The following COBLL1 variants were observed in gnomAD, a reference collection of about 807,000 sequenced individuals.
COBLL1 encodes cordon-bleu WH2 repeat protein like 1, also known as cordon-bleu protein-like 1.
In COBLL1, 50 loss-of-function variants were observed where a neutral mutation model predicts 94.8. The observed-to-expected ratio is 0.53, with a 90% confidence interval of 0.42 to 0.67. The LOEUF is 0.67. COBLL1 is among the 30% of genes least tolerant of loss of function. COBLL1 has a pLI of 0.00. For missense variants in COBLL1, 1,362 were observed against 1,348.7 expected, an observed-to-expected ratio of 1.01 and a Z score of -0.15; for synonymous variants, 448 against 473.8, an observed-to-expected ratio of 0.95 and a Z score of 0.71.
In COBLL1 at chr2:164,814,369, C is replaced by A. The variant is rs570708843; in HGVS notation, c.41+26787G>T. Among the ~76,000 whole-genome samples the A allele has an allele frequency of 3.3e-3, 500 of 152,062 alleles. 2 individuals carry two copies. The highest frequency in any genetic ancestry group is 5.2e-3 in the Non-Finnish European group (354 of 67,944). The stretch of plus-strand genomic sequence containing the variant: ...TGATTTTTGTATTATTACTTTTATT[C>A]TTATATATAAAATTAAAGAGTCTTT... On this transcript the variant is annotated intron_variant, in intron 2 of 13. Coordinates refer to ENST00000652658, the MANE Select transcript of COBLL1 (RefSeq NM_001365672.2).
chr2:164,729,341 A>G (rs909186269), intron 4 of COBLL1, among the ~76,000 whole-genome samples: 1 of 151,892 alleles, frequency 6.6e-6, no homozygotes, highest in Middle Eastern at 3.4e-3. Context: ...ATTCTACCCT[A>G]TTGCTTATAG....
downstream of COBLL1, among the ~76,000 whole-genome samples, chr2:164,676,617 A>G (rs1477654509): frequency 1.3e-5 from 2 of 152,092 alleles, no homozygotes; most frequent in African/African-American, 4.8e-5. Context: ...CTCATATTTC[A>G]GTCCTCTCTC....
At chr2:164,757,336 T>C (rs1404809954) in intron 2 of COBLL1, among the ~76,000 whole-genome samples, 1 of 152,216 alleles carries the variant, frequency 6.6e-6, no homozygotes, top group Non-Finnish European at 1.5e-5. Flanking sequence ...TTCAATCACA[T>C]TTATTCACTC....
intron 2 of COBLL1, among the ~76,000 whole-genome samples, chr2:164,659,493 G>C (rs1329921379): frequency 6.6e-6 from 1 of 152,190 alleles, no homozygotes; most frequent in Non-Finnish European, 1.5e-5. Context: ...TCAAGTAACA[G>C]AGCCTGATGT....
intron 3 of COBLL1, among the ~76,000 whole-genome samples, chr2:164,737,776 T>C (rs1001266965): frequency 6.6e-6 from 1 of 152,158 alleles, no homozygotes; most frequent in Non-Finnish European, 1.5e-5. Flanking sequence ...TTTCATAGTC[T>C]ACTTTTTCCC....
chr2:164,687,045 G>A (rs1462742243), intron 13 of COBLL1, among the ~76,000 whole-genome samples: 1 of 152,150 alleles, frequency 6.6e-6, no homozygotes, highest in East Asian at 1.9e-4. Context: ...TTTCTCGATT[G>A]TCTGATGAAT....
At position 164,695,630 on chromosome 2, in the gene COBLL1, C is replaced by T. The variant is rs748647602; in HGVS notation, c.1762G>A (p.Asp588Asn). The T allele has an allele frequency of 1.9e-5, 31 of 1,613,752 alleles. 1 individual carries two copies. In the Middle Eastern group the frequency reaches 9.9e-4, roughly 51 times the overall value. Residue 588 changes from aspartate to asparagine, a missense_variant, in exon 12 of 14, where the codon GAT (aspartate) becomes AAT (asparagine). Coordinates refer to ENST00000652658, the MANE Select transcript of COBLL1 (RefSeq NM_001365672.2). ...ENHLAASSVP[D>N]QKLNQPSAEK... is the part of the protein sequence containing the mutation. The stretch of plus-strand genomic sequence containing the variant: ...GCACTGGGTTGATTCAGTTTTTGAT[C>T]TGGTACTGATGAAGCTGCTAGATGG...
intron 2 of COBLL1, among the ~76,000 whole-genome samples, chr2:164,800,893 A>C (rs1024368659): frequency 2.0e-5 from 3 of 152,218 alleles, no homozygotes; most frequent in African/African-American, 7.2e-5. Flanking sequence ...GGTGTTATTG[A>C]TAGGGACGGT....
downstream of COBLL1, among the ~76,000 whole-genome samples, chr2:164,676,473 G>A (rs1468795806): frequency 6.6e-6 from 1 of 152,098 alleles, no homozygotes; most frequent in African/African-American, 2.4e-5. Context: ...ATATCATTTG[G>A]CATAAATGTA....
chr2:164,711,185 A>G (rs6705646), intron 7 of COBLL1, among the ~76,000 whole-genome samples: 95,887 of 152,086 alleles, frequency 0.63, 31,632 homozygotes, highest in African/African-American at 0.84. Context: ...GGGCTGGGAT[A>G]CTTAAATGAA....
intron 2 of COBLL1, among the ~76,000 whole-genome samples, chr2:164,809,787 C>T (rs1176511166): frequency 1.3e-5 from 2 of 151,764 alleles, no homozygotes; most frequent in Non-Finnish European, 3.0e-5. Context: ...CAAATACAAG[C>T]ACTGTACACA....
chr2:164,701,686 T>C (rs1482940392), intron 9 of COBLL1, among the ~76,000 whole-genome samples: 1 of 149,716 alleles, frequency 6.7e-6, no homozygotes, highest in African/African-American at 2.5e-5. Context: ...AAAATGTATT[T>C]TATCACCAAC....
intron 13 of COBLL1, chr2:164,687,651 T>C (rs1230472005): frequency 4.5e-6 from 4 of 888,618 alleles, no homozygotes; most frequent in Admixed American, 3.4e-5. Context: ...AGGCCTATTA[T>C]CAAGGTCCCT....
intron 2 of COBLL1, among the ~76,000 whole-genome samples, chr2:164,798,773 A>T (rs1246260949): frequency 6.6e-6 from 1 of 151,396 alleles, no homozygotes; most frequent in African/African-American, 2.4e-5. Context: ...TAATCCCAGC[A>T]CTTTGGGAGG....
chr2:164,775,408 C>T (rs183033101), intron 2 of COBLL1, among the ~76,000 whole-genome samples: 19 of 152,208 alleles, frequency 1.2e-4, no homozygotes, highest in African/African-American at 3.9e-4. Context: ...CAGACTCCTA[C>T]GTGCAATACA....
At chr2:164,838,137 A>T (rs1683409978) in intron 2 of COBLL1, among the ~76,000 whole-genome samples, 1 of 152,244 alleles carries the variant, frequency 6.6e-6, no homozygotes, top group Admixed American at 6.5e-5. Context: ...GGACTTCACC[A>T]GCACAGACCC....
At chr2:164,798,056 A>G (rs983604526) in intron 2 of COBLL1, among the ~76,000 whole-genome samples, 2 of 152,220 alleles carry the variant, frequency 1.3e-5, no homozygotes, top group Non-Finnish European at 2.9e-5. Context: ...CAAACCTGAA[A>G]CAAAGTGGCC....
chr2:164,796,851 T>C (rs1359366566), intron 2 of COBLL1, among the ~76,000 whole-genome samples: 2 of 152,076 alleles, frequency 1.3e-5, no homozygotes, highest in East Asian at 1.9e-4. Flanking sequence ...GGAGCACACC[T>C]GTAGTCCTAG....
At chr2:164,802,270 T>C (rs1208559640) in intron 2 of COBLL1, among the ~76,000 whole-genome samples, 1 of 152,212 alleles carries the variant, frequency 6.6e-6, no homozygotes, top group African/African-American at 2.4e-5. Context: ...TTTGGCACAA[T>C]ATCTGGCACA....
Sources: allele counts gnomAD v4.1 joint callset (sites outside exome capture counted in the v4.1 genomes callset), GRCh38; gene constraint gnomAD v4.1.1; transcripts MANE v1.5; gene names NCBI Gene and HGNC (gene_info 2026-07-23, HGNC 2026-07-21).